The following SLC4A10 variants were observed in gnomAD, a reference collection of about 807,000 sequenced individuals.
SLC4A10 encodes sodium-driven chloride bicarbonate exchanger.
Under a neutral mutation model 137.7 loss-of-function variants are expected in SLC4A10, and 42 were observed. That is an observed-to-expected ratio of 0.30 (90% CI 0.24 to 0.39). The LOEUF (loss-of-function observed/expected upper bound fraction) is 0.39. Ranked by LOEUF, SLC4A10 falls within the 10% of genes least tolerant of loss-of-function variation. SLC4A10 has a pLI of 1.00. For synonymous variants in SLC4A10, 474 were observed against 464.1 expected (o/e 1.02, Z -0.27); for missense variants, 925 against 1,355.0 (o/e 0.68, Z 4.98).
intron 1 of SLC4A10, among the ~76,000 whole-genome samples, chr2:161,666,557 A>G (rs571854965): frequency 8.2e-4 from 125 of 151,868 alleles, no homozygotes; most frequent in African/African-American, 2.6e-3. Flanking sequence ...AGTTTAATGA[A>G]TACTTCATGT....
intron 15 of SLC4A10, among the ~76,000 whole-genome samples, chr2:161,939,595 C>T (rs930636932): frequency 6.6e-6 from 1 of 152,132 alleles, no homozygotes; most frequent in African/African-American, 2.4e-5. Context: ...ATAATTCTCA[C>T]CTTTCCTCCC....
chr2:161,941,764 C>T (rs374306377), intron 15 of SLC4A10, among the ~76,000 whole-genome samples: 7 of 152,158 alleles, frequency 4.6e-5, no homozygotes, highest in African/African-American at 7.2e-5. Context: ...CCCTTAGGAA[C>T]GAAAGCCTAC....
At chr2:161,724,660 G>T (rs1306962985) in intron 1 of SLC4A10, among the ~76,000 whole-genome samples, 1 of 152,182 alleles carries the variant, frequency 6.6e-6, no homozygotes, top group Non-Finnish European at 1.5e-5. Flanking sequence ...AAATTCTACT[G>T]TTTAGATAGA....
chr2:161,841,535 G>T (rs1357113034), intron 4 of SLC4A10, among the ~76,000 whole-genome samples: 1 of 152,138 alleles, frequency 6.6e-6, no homozygotes, highest in Non-Finnish European at 1.5e-5. Flanking sequence ...TAAACTTGTA[G>T]CTGCATTTAT....
intron 1 of SLC4A10, among the ~76,000 whole-genome samples, chr2:161,626,109 G>T (rs974834503): frequency 3.9e-5 from 6 of 152,072 alleles, no homozygotes; most frequent in African/African-American, 1.2e-4. Flanking sequence ...TGAGAGACGG[G>T]AACTATACAC....
chr2:161,872,075 AAT>A (rs766491526), intron 6 of SLC4A10, among the ~76,000 whole-genome samples: 2 of 152,062 alleles, frequency 1.3e-5, no homozygotes, highest in Admixed American at 6.6e-5. Context: ...TTTATCTGAA[AAT>A]ATGTTTATTT....
intron 1 of SLC4A10, among the ~76,000 whole-genome samples, chr2:161,729,221 A>G (rs1395050634): frequency 6.6e-6 from 1 of 152,192 alleles, no homozygotes; most frequent in East Asian, 1.9e-4. Context: ...GGAAAGAAAA[A>G]CCATGAAGTT....
chr2:161,645,156 G>T (rs1436186111), intron 1 of SLC4A10, among the ~76,000 whole-genome samples: 1 of 152,090 alleles, frequency 6.6e-6, no homozygotes, highest in Non-Finnish European at 1.5e-5. Context: ...AAAAGTGTGT[G>T]TCAGGCCAGG....
chr2:161,691,296 G>A (rs1297564154), intron 1 of SLC4A10, among the ~76,000 whole-genome samples: 5 of 147,428 alleles, frequency 3.4e-5, no homozygotes, highest in Non-Finnish European at 7.5e-5. Context: ...GAGAGTAGAA[G>A]GATGGTTATC....
intron 1 of SLC4A10, among the ~76,000 whole-genome samples, chr2:161,767,115 A>G (rs1368615143): frequency 2.7e-5 from 2 of 75,238 alleles, no homozygotes; most frequent in African/African-American, 1.2e-4. Flanking sequence ...ATATATATAT[A>G]TATATATATA....
chr2:161,787,975 T>A (rs1371670559), intron 2 of SLC4A10, among the ~76,000 whole-genome samples: 1 of 152,176 alleles, frequency 6.6e-6, no homozygotes. Context: ...AAACACTCTG[T>A]CTTTTTGTAC....
chr2:161,749,176 C>T (rs2048694084), intron 1 of SLC4A10, among the ~76,000 whole-genome samples: 1 of 151,872 alleles, frequency 6.6e-6, no homozygotes. Context: ...TAGTTTCATG[C>T]TGTGGATTCT....
intron 23 of SLC4A10, among the ~76,000 whole-genome samples, chr2:161,973,821 G>A (rs1698958233): frequency 2.0e-5 from 3 of 152,148 alleles, no homozygotes; most frequent in Admixed American, 1.3e-4. Context: ...AGGGGATTCC[G>A]ATGTAAACTG....
chr2:161,716,575 T>C (rs2044904073), intron 1 of SLC4A10, among the ~76,000 whole-genome samples: 1 of 152,116 alleles, frequency 6.6e-6, no homozygotes, highest in Non-Finnish European at 1.5e-5. Flanking sequence ...CCTTTCTCCA[T>C]TGCTTGTTTT....
intron 1 of SLC4A10, among the ~76,000 whole-genome samples, chr2:161,715,993 C>T (rs2044825697): frequency 6.6e-6 from 1 of 152,128 alleles, no homozygotes. Context: ...TCGCTAGCAT[C>T]TGTTGTTTCT....
intron 15 of SLC4A10, among the ~76,000 whole-genome samples, chr2:161,930,978 C>T (rs1490971935): frequency 6.6e-6 from 1 of 151,990 alleles, no homozygotes; most frequent in African/African-American, 2.4e-5. Flanking sequence ...GTGGCCCAAG[C>T]TGAAGTGCAG....
rs536337183 is a variant in SLC4A10 at position 161,906,829 on chromosome 2, C to A, written c.1997+942C>A. Reference sequence around the variant, plus strand: ...CGAAATGTTGGGAGGCCGAGGCGGGCGGATCACGAGGTCAGGAGATCGAGA... The same window carrying A: ...CGAAATGTTGGGAGGCCGAGGCGGGAGGATCACGAGGTCAGGAGATCGAGA... On this transcript the variant is annotated intron_variant, in intron 15 of 26. Transcript: ENST00000446997. 2.6e-5 allele frequency among the ~76,000 whole-genome samples: 4 copies of A among 151,992 alleles called. No homozygotes were observed. The South Asian group carries it at 8.3e-4, about 32-fold the overall frequency.
intron 1 of SLC4A10, among the ~76,000 whole-genome samples, chr2:161,700,067 A>G (rs1314418161): frequency 6.6e-6 from 1 of 152,160 alleles, no homozygotes; most frequent in Non-Finnish European, 1.5e-5. Flanking sequence ...ATGTAATAGC[A>G]TGAACAAAAC....
At chr2:161,861,031 G>A (rs2060406058) in intron 5 of SLC4A10, among the ~76,000 whole-genome samples, 1 of 152,230 alleles carries the variant, frequency 6.6e-6, no homozygotes. Context: ...CATGTTGCCT[G>A]TGGCTGCTTT....
Sources: allele counts gnomAD v4.1 joint callset (sites outside exome capture counted in the v4.1 genomes callset), GRCh38; gene constraint gnomAD v4.1.1; transcripts MANE v1.5; gene names NCBI Gene and HGNC (gene_info 2026-07-23, HGNC 2026-07-21).